The following PKNOX2 variants were observed in gnomAD, a reference collection of about 807,000 sequenced individuals.
PKNOX2 encodes PBX/knotted 1 homeobox 2, also known as homeobox protein PKNOX2.
A neutral mutation model predicts 53.1 loss-of-function variants in PKNOX2; 14 were observed. The observed-to-expected ratio is 0.26, with a 90% CI of 0.17 to 0.41. PKNOX2 has a LOEUF of 0.41. Among genes scored for constraint, PKNOX2 ranks in the 10% least tolerant of loss-of-function variants. The pLI is 1.00. For missense variants in PKNOX2, 496 were observed against 602.8 expected, an observed-to-expected ratio of 0.82 and a Z score of 1.85; for synonymous variants, 257 against 242.8, an observed-to-expected ratio of 1.06 and a Z score of -0.54.
In PKNOX2 at chr11:125,431,429, G is replaced by A. The variant is rs369226023; in HGVS notation, c.*37G>A. 5.0e-6 allele frequency: 7 copies of A among 1,407,064 alleles called. No homozygotes were observed. In the African/African-American group the frequency reaches 1.0e-4, roughly 20 times the overall value. The allele number at this position is 1,407,064 out of a possible 1,614,324, so 87.2% of individuals were successfully genotyped here. On this transcript the variant is annotated 3_prime_UTR_variant, in exon 13 of 13. Coordinates refer to ENST00000298282, the MANE Select transcript of PKNOX2 (RefSeq NM_001382323.2). Reference sequence around the variant, plus strand: ...AGATGGCACTGATCACTGAGCAGGAGAGGAGTGTCGCCGGGAGGCCTTCAG... The same window carrying A: ...AGATGGCACTGATCACTGAGCAGGAAAGGAGTGTCGCCGGGAGGCCTTCAG...
intron 2 of PKNOX2, among the ~76,000 whole-genome samples, chr11:125,259,957 C>T (rs1944714324): frequency 6.6e-6 from 1 of 151,660 alleles, no homozygotes; most frequent in African/African-American, 2.4e-5. Context: ...GCTCATTGTA[C>T]CCTCCAGCTC....
chr11:125,294,599 G>A (rs1210335794), intron 2 of PKNOX2, among the ~76,000 whole-genome samples: 1 of 152,164 alleles, frequency 6.6e-6, no homozygotes, highest in East Asian at 1.9e-4. Flanking sequence ...CCTCCACAGT[G>A]GAAGGGTTCG....
rs1954869184 is a variant in PKNOX2, at chr11:125,166,271, G to A, written c.-201+1495G>A. 2.0e-5 allele frequency among the ~76,000 whole-genome samples: 3 copies of A among 152,238 alleles called. No homozygotes were observed. The highest frequency in any genetic ancestry group is 6.8e-3 in the Middle Eastern group (2 of 292). On this transcript the variant is annotated intron_variant, in intron 1 of 12. Coordinates refer to ENST00000298282, the MANE Select transcript of PKNOX2 (RefSeq NM_001382323.2). The surrounding 1 kb of genome is among the most constrained non-coding windows in gnomAD (Gnocchi z 4.0). ...GGAATTTGGGGAGGGTAGCACGAGG[G>A]GTCCTGCAGCTCCGCGTGTGAAAAA... is the stretch of plus-strand genomic sequence containing the variant.
At chr11:125,347,941 T>A (rs1006645925) in intron 3 of PKNOX2, among the ~76,000 whole-genome samples, 9 of 152,198 alleles carry the variant, frequency 5.9e-5, no homozygotes, top group African/African-American at 2.2e-4. Flanking sequence ...AATGCCCAGG[T>A]GTCTGGTGAC....
At chr11:125,388,503 C>T (rs1242031630) in intron 6 of PKNOX2, among the ~76,000 whole-genome samples, 1 of 152,082 alleles carries the variant, frequency 6.6e-6, no homozygotes, top group African/African-American at 2.4e-5. Flanking sequence ...GGCAGCTTTC[C>T]TTTGCCCTTG....
chr11:125,208,935 T>C (rs1262955788), intron 1 of PKNOX2, among the ~76,000 whole-genome samples: 2 of 151,964 alleles, frequency 1.3e-5, no homozygotes, highest in African/African-American at 4.8e-5. Context: ...CAATGGCAGC[T>C]GCACTGGAGT....
intron 2 of PKNOX2, among the ~76,000 whole-genome samples, chr11:125,290,975 C>T (rs1399064405): frequency 2.6e-5 from 4 of 152,120 alleles, no homozygotes; most frequent in South Asian, 2.1e-4. Flanking sequence ...AGGGTGTTTC[C>T]GGCAGAAGGA....
intron 3 of PKNOX2, among the ~76,000 whole-genome samples, chr11:125,350,836 C>T (rs1012298359): frequency 6.6e-6 from 1 of 152,104 alleles, no homozygotes; most frequent in Non-Finnish European, 1.5e-5. Context: ...CCCCTGTGCG[C>T]GCTGTGGCTG....
In PKNOX2 at chr11:125,176,939, T is replaced by C. The variant is rs539809018; in HGVS notation, c.-201+12163T>C. Among the ~76,000 whole-genome samples, 6 of 152,300 alleles carry C rather than the reference T, an allele frequency of 3.9e-5. No homozygotes were observed. The South Asian group carries it at 1.2e-3, about 32-fold the overall frequency. On this transcript the variant is annotated intron_variant, in intron 1 of 12. Transcript: ENST00000298282. ...AGGTTTTCAGGGGAGCTTTAGAAAA[T>C]GCAGGCATCCCTTCCGCATTCTTCC...
chr11:125,194,785 G>A (rs1957087688), intron 1 of PKNOX2, among the ~76,000 whole-genome samples: 1 of 152,198 alleles, frequency 6.6e-6, no homozygotes, highest in African/African-American at 2.4e-5. Flanking sequence ...TGGGAAAGAT[G>A]CTGCCGTCCA....
chr11:125,372,868 C>A (rs1952630948), intron 5 of PKNOX2, among the ~76,000 whole-genome samples: 1 of 152,242 alleles, frequency 6.6e-6, no homozygotes, highest in African/African-American at 2.4e-5. Context: ...CACATGGGAC[C>A]ACCAGAGAGC....
chr11:125,291,085 C>G (rs1228160467), intron 2 of PKNOX2, among the ~76,000 whole-genome samples: 3 of 152,176 alleles, frequency 2.0e-5, no homozygotes, highest in African/African-American at 7.2e-5. Context: ...CTGAGCTGCC[C>G]CATTTTTCCC....
At chr11:125,408,910 G>A (rs1955293235) in intron 7 of PKNOX2, among the ~76,000 whole-genome samples, 1 of 152,120 alleles carries the variant, frequency 6.6e-6, no homozygotes, top group South Asian at 2.1e-4. Context: ...GGGAAGCTGG[G>A]GCCTTCTTTT....
rs1482680829 is a variant in PKNOX2 at position 125,351,352 on chromosome 11, C to T, written c.47C>T (p.Thr16Met). 4 of 1,610,050 alleles carry T rather than the reference C, an allele frequency of 2.5e-6. No homozygotes were observed. The highest frequency in any genetic ancestry group is 3.3e-5 in the Admixed American group (2 of 59,788). The change falls in exon 4 of 13, where the codon ACG becomes ATG. Residue 16 changes from threonine to methionine, a missense_variant. Coordinates refer to ENST00000298282, the MANE Select transcript of PKNOX2 (RefSeq NM_001382323.2). The stretch of plus-strand genomic sequence containing the variant: ...GCCCCCGCTCTGACGATGATGGCCA[C>T]GCAGAATGTCCCGCCCCCACCCTAC... ...SPAPALTMMA[T>M]QNVPPPPYQD...
chr11:125,377,819 A>C (rs1247986645), intron 5 of PKNOX2, among the ~76,000 whole-genome samples: 1 of 152,236 alleles, frequency 6.6e-6, no homozygotes, highest in Non-Finnish European at 1.5e-5. Flanking sequence ...GTTTTAAGAA[A>C]GTTTACGAAT....
intron 2 of PKNOX2, among the ~76,000 whole-genome samples, chr11:125,321,047 G>A (rs945828431): frequency 2.6e-5 from 4 of 152,328 alleles, no homozygotes; most frequent in African/African-American, 9.6e-5. Flanking sequence ...AATTCAGGAG[G>A]CATCACAGAA....
chr11:125,191,185 T>C (rs555182443), intron 1 of PKNOX2: 50 of 152,238 alleles, frequency 3.3e-4, no homozygotes, highest in African/African-American at 1.2e-3. Context: ...AATAAAAAAA[T>C]GAAGAGACAA....
At chr11:125,182,253 G>C (rs574048951) in intron 1 of PKNOX2, among the ~76,000 whole-genome samples, 3 of 152,270 alleles carry the variant, frequency 2.0e-5, no homozygotes, top group African/African-American at 7.2e-5. Flanking sequence ...CAGGCAGTTG[G>C]TTGCCCTGTG....
intron 1 of PKNOX2, among the ~76,000 whole-genome samples, chr11:125,181,125 C>T (rs908145672): frequency 1.3e-5 from 2 of 152,240 alleles, no homozygotes; most frequent in African/African-American, 4.8e-5. Flanking sequence ...TCAGTTCTCA[C>T]TATGACTCTA....
Sources: gnomAD v4.1 joint callset for allele counts (sites outside exome capture counted in the v4.1 genomes callset) on GRCh38, gnomAD v4.1.1 for gene constraint, Gnocchi (gnomAD v3.1) non-coding constraint, MANE v1.5 for transcripts, NCBI Gene and HGNC (gene_info 2026-07-23, HGNC 2026-07-21) for gene names.